Variants in GPC5 observed in about 807,000 individuals in gnomAD.
GPC5 encodes glypican-5.
Under a neutral mutation model 53.9 loss-of-function variants are expected in GPC5, and 47 were observed. The ratio of observed to expected loss-of-function variants is 0.87; its 90% CI spans 0.69 to 1.11. The LOEUF (loss-of-function observed/expected upper bound fraction) is 1.11, where lower values mean the gene tolerates loss of function less well. Ranked by LOEUF, GPC5 falls within the 50% of genes most tolerant of loss-of-function variation. The pLI is 0.00. For synonymous variants in GPC5, 286 were observed against 263.3 expected (o/e 1.09, Z -0.84); for missense variants, 748 against 713.1 (o/e 1.05, Z -0.56).
Position 91,948,205 on chromosome 13 carries a change from G to T in GPC5, c.1401+40148G>T, listed in dbSNP as rs1476588004. Among the ~76,000 whole-genome samples the T allele has an allele frequency of 5.5e-5, 8 of 144,778 alleles. No homozygotes were observed. In the East Asian group the frequency reaches 1.6e-3, roughly 29 times the overall value. The allele number at this position is 144,778 out of a possible 152,430, so 95.0% of individuals were successfully genotyped here. ...ATCGCACCACTGCATTCCAGCCTGG[G>T]CGACAGAGGGAGACTCTGTCTCAAA... On this transcript the variant is annotated intron_variant, in intron 6 of 7. Transcript: ENST00000377067.
intron 5 of GPC5, among the ~76,000 whole-genome samples, chr13:91,855,141 C>A (rs1312358545): frequency 2.6e-5 from 4 of 151,676 alleles, no homozygotes; most frequent in Admixed American, 6.6e-5. Flanking sequence ...GAAAATGCAA[C>A]TGTAAAATTC....
rs2033525142 is a variant in GPC5 at position 91,610,832 on chromosome 13, A to G, written c.326-82355A>G. On this transcript the variant is annotated intron_variant, in intron 2 of 7. Transcript: ENST00000377067. ...AAGTGGGCAAAGGTTGTTATGTTAG[A>G]CATGTTCTTGCCAGTAGAGAGTTTT... 1.3e-5 allele frequency among the ~76,000 whole-genome samples: 2 copies of G among 152,176 alleles called. 1 individual carries two copies. Among genetic ancestry groups the G allele is most frequent in the Admixed American group, 1.3e-4 (2 of 15,274 alleles).
chr13:91,600,067 C>T (rs1181142820), intron 2 of GPC5, among the ~76,000 whole-genome samples: 1 of 152,068 alleles, frequency 6.6e-6, no homozygotes, highest in Admixed American at 6.6e-5. Flanking sequence ...ATTATAGGCA[C>T]ATGCCACCAC....
chr13:92,349,408 G>C (rs902264144), intron 7 of GPC5, among the ~76,000 whole-genome samples: 1 of 151,170 alleles, frequency 6.6e-6, no homozygotes, highest in Non-Finnish European at 1.5e-5. Flanking sequence ...GCCTCCCAAA[G>C]TGCTAGGATT....
At chr13:92,267,329 C>A (rs1024583995) in intron 7 of GPC5, among the ~76,000 whole-genome samples, 1 of 151,906 alleles carries the variant, frequency 6.6e-6, no homozygotes, top group African/African-American at 2.4e-5. Flanking sequence ...CAATCATTAC[C>A]ACTTCAGAAT....
chr13:91,663,186 C>T (rs376043432), intron 2 of GPC5, among the ~76,000 whole-genome samples: 16 of 152,070 alleles, frequency 1.1e-4, no homozygotes, highest in Non-Finnish European at 7.4e-5. Flanking sequence ...ATTGGATTTG[C>T]GGCCACAGAC....
chr13:91,490,880 T>G (rs752115484), intron 2 of GPC5, among the ~76,000 whole-genome samples: 7 of 152,200 alleles, frequency 4.6e-5, no homozygotes, highest in Admixed American at 1.3e-4. Context: ...ACTTCACCTT[T>G]TGAAACCTAG....
intron 7 of GPC5, among the ~76,000 whole-genome samples, chr13:92,255,975 A>T (rs1398912424): frequency 6.6e-6 from 1 of 152,112 alleles, no homozygotes; most frequent in East Asian, 1.9e-4. Flanking sequence ...ATTTAGAATG[A>T]AAATAATTAA....
chr13:91,535,031 T>C (rs1325972193), intron 2 of GPC5, among the ~76,000 whole-genome samples: 2 of 152,196 alleles, frequency 1.3e-5, no homozygotes, highest in African/African-American at 4.8e-5. Context: ...CTGTGAAGAC[T>C]CTGAGATCTC....
At chr13:91,485,315 C>T (rs1055917256) in intron 2 of GPC5, among the ~76,000 whole-genome samples, 2 of 151,526 alleles carry the variant, frequency 1.3e-5, no homozygotes, top group Admixed American at 1.3e-4. Context: ...CAGGTTCAAG[C>T]GGTTCTCCTG....
intron 7 of GPC5, among the ~76,000 whole-genome samples, chr13:92,348,510 T>C (rs2043447491): frequency 6.6e-6 from 1 of 152,106 alleles, no homozygotes; most frequent in Admixed American, 6.6e-5. Flanking sequence ...CTTTTAACAA[T>C]GGACTGATTA....
At chr13:92,283,643 C>T (rs1050810625) in intron 7 of GPC5, among the ~76,000 whole-genome samples, 18 of 152,218 alleles carry the variant, frequency 1.2e-4, no homozygotes, top group Non-Finnish European at 1.8e-4. Flanking sequence ...TGAATGACTA[C>T]TGGGTACATA....
At chr13:92,428,803 C>T (rs1029342794) in intron 7 of GPC5, among the ~76,000 whole-genome samples, 1 of 152,014 alleles carries the variant, frequency 6.6e-6, no homozygotes, top group East Asian at 1.9e-4. Context: ...ATCAATCGTA[C>T]TGATTCATGT....
chr13:92,063,623 T>C (rs1400726638), intron 6 of GPC5, among the ~76,000 whole-genome samples: 2 of 151,924 alleles, frequency 1.3e-5, no homozygotes, highest in Non-Finnish European at 2.9e-5. Flanking sequence ...TTAAAATAAA[T>C]AAATAAATAA....
At chr13:92,571,877 A>G (rs1046431370) in intron 7 of GPC5, among the ~76,000 whole-genome samples, 1 of 152,070 alleles carries the variant, frequency 6.6e-6, no homozygotes, top group Non-Finnish European at 1.5e-5. Flanking sequence ...CATATCTACA[A>G]AAACTAGAAA....
At chr13:92,056,564 A>T (rs1037130211) in intron 6 of GPC5, among the ~76,000 whole-genome samples, 2 of 152,182 alleles carry the variant, frequency 1.3e-5, no homozygotes, top group Admixed American at 6.5e-5. Context: ...GGAAGAAAAT[A>T]TTCTGTACCA....
chr13:92,345,129 T>C (rs911614496), intron 7 of GPC5, among the ~76,000 whole-genome samples: 1 of 152,084 alleles, frequency 6.6e-6, no homozygotes, highest in African/African-American at 2.4e-5. Context: ...ACCAGAATAA[T>C]TATGATCCAT....
chr13:91,455,648 T>C (rs1371465423), intron 2 of GPC5, among the ~76,000 whole-genome samples: 1 of 152,142 alleles, frequency 6.6e-6, no homozygotes, highest in African/African-American at 2.4e-5. Flanking sequence ...ACTAAAGTAA[T>C]TGGAATTTCT....
intron 7 of GPC5, among the ~76,000 whole-genome samples, chr13:92,538,186 G>A (rs747861426): frequency 1.3e-4 from 20 of 152,028 alleles, no homozygotes; most frequent in Non-Finnish European, 2.6e-4. Flanking sequence ...CACATTTTGC[G>A]TATGTAAAAA....
Sources: gnomAD v4.1 joint callset for allele counts (sites outside exome capture counted in the v4.1 genomes callset) on GRCh38, gnomAD v4.1.1 for gene constraint, MANE v1.5 for transcripts, NCBI Gene and HGNC (gene_info 2026-07-23, HGNC 2026-07-21) for gene names.